SVOP: variants seen among roughly 807,000 people sequenced by gnomAD.
SVOP encodes SV2 related protein.
Under a neutral mutation model 69.1 loss-of-function variants are expected in SVOP, and 17 were observed. The ratio of observed to expected loss-of-function variants is 0.25; its 90% confidence interval spans 0.17 to 0.37. SVOP has a LOEUF of 0.37. Among genes scored for constraint, SVOP ranks in the 10% least tolerant of loss-of-function variants. The pLI is 1.00. For missense variants in SVOP, 435 were observed against 597.5 expected (o/e 0.73, Z 2.84); for synonymous variants, 238 against 238.6 (o/e 1.00, Z 0.02).
intron 1 of SVOP, among the ~76,000 whole-genome samples, chr12:109,013,032 G>T (rs1188937169): frequency 6.6e-6 from 1 of 152,206 alleles, no homozygotes; most frequent in African/African-American, 2.4e-5. Context: ...CTTAATAGTG[G>T]TTCCACTGTC....
At chr12:109,000,165 A>G (rs938155859) in intron 1 of SVOP, among the ~76,000 whole-genome samples, 5 of 152,260 alleles carry the variant, frequency 3.3e-5, no homozygotes, top group Non-Finnish European at 7.3e-5. Flanking sequence ...AACTACCATC[A>G]GAGAATAGTA....
Position 108,992,495 on chromosome 12 carries a change from C to G in SVOP, c.36-8734G>C, listed in dbSNP as rs529190654. ...GGTCGAGGCTGCAGTGAGCTATGAT[C>G]ACACCACTGCACTCCAGGCTGGGCA... is the stretch of plus-strand genomic sequence containing the variant. On this transcript the variant is annotated intron_variant, in intron 1 of 15. Coordinates refer to ENST00000610966, the MANE Select transcript of SVOP (RefSeq NM_018711.5). Among the ~76,000 whole-genome samples, 5 of 152,230 alleles carry G rather than the reference C, an allele frequency of 3.3e-5. No homozygotes were observed. In the East Asian group the frequency reaches 7.8e-4, roughly 24 times the overall value.
intron 5 of SVOP, among the ~76,000 whole-genome samples, chr12:108,967,925 TCTC>T (rs748544216): frequency 2.0e-5 from 3 of 152,138 alleles, no homozygotes; most frequent in Non-Finnish European, 2.9e-5. Flanking sequence ...CTCTTTAAAA[TCTC>T]CTCTGAGGCC....
chr12:108,964,179 AC>A (rs1486788930), intron 5 of SVOP, among the ~76,000 whole-genome samples: 1 of 151,960 alleles, frequency 6.6e-6, no homozygotes, highest in African/African-American at 2.4e-5. Flanking sequence ...ACATAGCGAG[AC>A]CCTTGGTCTA....
intron 6 of SVOP, among the ~76,000 whole-genome samples, chr12:108,946,680 GC>G (rs2039924900): frequency 6.9e-6 from 1 of 144,910 alleles, no homozygotes; most frequent in South Asian, 2.2e-4. Context: ...TCCATGAGTT[GC>G]AACCTGTTTT....
intron 7 of SVOP, 58 bp from the exon 8 acceptor site, chr12:108,940,967 T>C: frequency 6.6e-7 from 1 of 1,506,826 alleles, no homozygotes; most frequent in Non-Finnish European, 8.9e-7. Flanking sequence ...CAGAGAGGAA[T>C]TATGGGGGCA....
chr12:108,972,318 G>T, intron 5 of SVOP, 87 bp downstream of exon 5: 2 of 1,296,550 alleles, frequency 1.5e-6, no homozygotes, highest in Non-Finnish European at 2.2e-6. Flanking sequence ...CCTCCCAACT[G>T]CTAATGCAGA....
intron 1 of SVOP, among the ~76,000 whole-genome samples, chr12:108,999,405 A>G (rs2040255294): frequency 6.7e-6 from 1 of 149,994 alleles, no homozygotes; most frequent in Non-Finnish European, 1.5e-5. Flanking sequence ...CAGATCAATG[A>G]GACAGAAAGT....
chr12:109,005,276 T>C (rs1223904845), intron 1 of SVOP, among the ~76,000 whole-genome samples: 1 of 152,208 alleles, frequency 6.6e-6, no homozygotes, highest in African/African-American at 2.4e-5. Context: ...AGTACCTGTG[T>C]GACCCTGGGT....
In SVOP at chr12:108,945,966, C is replaced by G. The variant is rs137944711; in HGVS notation, c.579-800G>C. Among the ~76,000 whole-genome samples the G allele has an allele frequency of 8.4e-3, 1,283 of 152,284 alleles. 21 individuals are homozygous for G. Among genetic ancestry groups the G allele is most frequent in the African/African-American group, 0.029 (1,202 of 41,552 alleles). On this transcript the variant is annotated intron_variant, in intron 6 of 15. Transcript: ENST00000610966. ...TTCCATTTGTGATTAAGAATATTTC[C>G]CCTTTGTGGGGAAGTATTCAGATTA...
rs535785073 is a variant in SVOP, at chr12:109,013,392, CT to C, written c.35+7441del. Among the ~76,000 whole-genome samples the C allele has an allele frequency of 4.7e-3, 676 of 144,148 alleles. 5 individuals are homozygous for C. The highest frequency in any genetic ancestry group is 0.013 in the African/African-American group (528 of 39,502). 94.6% of individuals were successfully genotyped at this position (144,148 alleles called of 152,430 possible). A position where few individuals can be genotyped will look rare whatever the true frequency, so the allele number is the denominator to read the frequency against. On this transcript the variant is annotated intron_variant, in intron 1 of 15. Coordinates refer to ENST00000610966, the MANE Select transcript of SVOP (RefSeq NM_018711.5). Reference sequence around the variant, plus strand: ...ATAACATCAAACTTACCGTCTTAACCTTTTTTTTTTTTTTCTGAGACAGAGT... The same window carrying C: ...ATAACATCAAACTTACCGTCTTAACCTTTTTTTTTTTTTCTGAGACAGAGT...
chr12:108,916,872 G>A (rs902258056), intron 14 of SVOP, among the ~76,000 whole-genome samples: 2 of 152,080 alleles, frequency 1.3e-5, no homozygotes, highest in Non-Finnish European at 2.9e-5. Flanking sequence ...GCCCCACCCC[G>A]AGTAGCTGGG....
At chr12:108,936,398 ACTTTCAATC>A (rs1463629302) in intron 10 of SVOP, among the ~76,000 whole-genome samples, 1 of 152,194 alleles carries the variant, frequency 6.6e-6, no homozygotes, top group Non-Finnish European at 1.5e-5. Context: ...TTTTAAGTTT[ACTTTCAATC>A]CTTTCAATCC....
At chr12:109,013,643 G>A (rs1246466050) in intron 1 of SVOP, among the ~76,000 whole-genome samples, 2 of 152,086 alleles carry the variant, frequency 1.3e-5, no homozygotes, top group African/African-American at 4.8e-5. Flanking sequence ...GCCTGCCTTA[G>A]CCTCCCAAAG....
intron 11 of SVOP, among the ~76,000 whole-genome samples, chr12:108,932,601 G>T (rs180844435): frequency 6.6e-6 from 1 of 151,932 alleles, no homozygotes; most frequent in South Asian, 2.1e-4. Context: ...TCTACTGAAC[G>T]AATCCCTTCT....
At chr12:108,970,963 A>G (rs2040075365) in intron 5 of SVOP, among the ~76,000 whole-genome samples, 1 of 152,162 alleles carries the variant, frequency 6.6e-6, no homozygotes, top group Admixed American at 6.5e-5. Context: ...GGCTGCAGTT[A>G]GCTATGATTG....
At chr12:108,924,966 C>T (rs1377051172) in intron 11 of SVOP, among the ~76,000 whole-genome samples, 3 of 152,016 alleles carry the variant, frequency 2.0e-5, no homozygotes, top group Non-Finnish European at 2.9e-5. Context: ...GCCCACAGGC[C>T]AAACCTTAAC....
chr12:108,991,144 C>T (rs1404060505), intron 1 of SVOP, among the ~76,000 whole-genome samples: 1 of 152,188 alleles, frequency 6.6e-6, no homozygotes, highest in Non-Finnish European at 1.5e-5. Flanking sequence ...AAACATCCTG[C>T]CGTCTGGAGC....
chr12:108,937,423 A>G, intron 9 of SVOP, 86 bp from the exon 10 acceptor site: 1 of 1,301,514 alleles, frequency 7.7e-7, no homozygotes, highest in Non-Finnish European at 1.1e-6. Flanking sequence ...AGTGCACACC[A>G]GGCTGGGAGG....
Sources: gnomAD v4.1 joint callset for allele counts (sites outside exome capture counted in the v4.1 genomes callset) on GRCh38, gnomAD v4.1.1 for gene constraint, MANE v1.5 for transcripts, NCBI Gene and HGNC (gene_info 2026-07-23, HGNC 2026-07-21) for gene names.